BATF3: variants seen among roughly 807,000 people sequenced by gnomAD.
BATF3 encodes the protein basic leucine zipper ATF-like transcription factor 3.
Under a neutral mutation model 16.1 loss-of-function variants are expected in BATF3, and 8 were observed. That is an observed-to-expected ratio of 0.50 (90% CI 0.29 to 0.90). The LOEUF is 0.90. Ranked by LOEUF, BATF3 falls within the 40% of genes least tolerant of loss-of-function variation. The probability of loss-of-function intolerance (pLI) is 0.08; values close to 1 mark genes in which losing one functional copy is unlikely to be tolerated. For synonymous variants in BATF3, 74 were observed against 72.7 expected (o/e 1.02, Z -0.09); for missense variants, 139 against 167.0 (o/e 0.83, Z 0.92).
At chr1:212,688,684 A>T (rs1458428254) in intron 2 of BATF3, among the ~76,000 whole-genome samples, 1 of 152,244 alleles carries the variant, frequency 6.6e-6, no homozygotes, top group Admixed American at 6.5e-5. Context: ...CCAAGTCATT[A>T]ATAAGTTCTA....
rs1380917167 is a variant in BATF3 at position 212,686,600 on chromosome 1, C to T, written c.*191G>A. 1.1e-6 allele frequency: 1 copy of T among 912,740 alleles called. No individual in the cohort carries two copies. Among genetic ancestry groups the T allele is most frequent in the Non-Finnish European group, 1.6e-6 (1 of 627,302 alleles). The allele number at this position is 912,740 out of a possible 1,614,324, so 56.5% of individuals were successfully genotyped here. The stretch of plus-strand genomic sequence containing the variant: ...CCTCCATGCTGGATCTGCACAAGGG[C>T]TCTGTGAGTTTGGCGCCTGTTGGAT... On this transcript the variant is annotated 3_prime_UTR_variant, in exon 3 of 3. Coordinates refer to ENST00000243440, the MANE Select transcript of BATF3 (RefSeq NM_018664.3).
Position 212,689,476 on chromosome 1 carries a change from C to T in BATF3, c.196-2497G>A, listed in dbSNP as rs1571832772. Among the ~76,000 whole-genome samples, 1 of 152,328 alleles carries T rather than the reference C, an allele frequency of 6.6e-6. No homozygotes were observed. The highest frequency in any genetic ancestry group is 6.5e-5 in the Admixed American group (1 of 15,306). ...CACCAGTACACTGGCCCCATTCTGC[C>T]TCTATCCTCCTCCCTGCCTCCCACT... On this transcript the variant is annotated intron_variant, in intron 2 of 2. Transcript: ENST00000243440. This position sits in a 1 kb window ranked among gnomAD's most constrained non-coding sequence, Gnocchi z 4.6.
intron 2 of BATF3, among the ~76,000 whole-genome samples, chr1:212,691,881 T>G (rs1208980158): frequency 6.6e-6 from 1 of 152,232 alleles, no homozygotes; most frequent in Non-Finnish European, 1.5e-5. Flanking sequence ...GTGTGGACTT[T>G]GGCACACGCC....
chr1:212,699,262 C>CG lies in BATF3; in HGVS notation c.90+410_90+411insC, dbSNP rs1395165654. Among the ~76,000 whole-genome samples the CG allele has an allele frequency of 6.6e-6, 1 of 152,168 alleles. No individual in the cohort carries two copies. Among genetic ancestry groups the CG allele is most frequent in the Non-Finnish European group, 1.5e-5 (1 of 68,008 alleles). ...TCTCCATTCCCGCGGCAGCACCCCC[C>CG]CCACCCGGGGGAATCCTGGAGGGGC... On this transcript the variant is annotated intron_variant, in intron 1 of 2. Coordinates refer to ENST00000243440, the MANE Select transcript of BATF3 (RefSeq NM_018664.3). The surrounding 1 kb of genome is among the most constrained non-coding windows in gnomAD (Gnocchi z 4.4).
chr1:212,694,085 G>C (rs1360909927), intron 2 of BATF3, among the ~76,000 whole-genome samples: 1 of 152,198 alleles, frequency 6.6e-6, no homozygotes, highest in Non-Finnish European at 1.5e-5. Context: ...AACAGCACCA[G>C]AGTAACGCAG....
intron 2 of BATF3, among the ~76,000 whole-genome samples, chr1:212,688,496 G>T (rs1488591257): frequency 6.6e-6 from 1 of 152,208 alleles, no homozygotes; most frequent in East Asian, 1.9e-4. Context: ...ATGCTATGGG[G>T]CTTAAGGGTA....
Position 212,686,842 on chromosome 1 carries a change from A to G in BATF3, c.333T>C (p.Phe111=). Residue 111 remains phenylalanine (F), a synonymous_variant, in exon 3 of 3, where the codon TTT becomes TTC. Transcript: ENST00000243440. The part of the protein sequence containing the change: ...MCPLLLCPMN[F]VPVPPRPDPV... The stretch of plus-strand genomic sequence containing the variant: ...GGTCCGGCCGGGGAGGCACTGGCAC[A>G]AAGTTCATAGGGCAGAGCAGCAGCG... 1 of 1,614,086 alleles carries G rather than the reference A, an allele frequency of 6.2e-7. No individual in the cohort carries two copies. The highest frequency in any genetic ancestry group is 8.5e-7 in the Non-Finnish European group (1 of 1,179,972).
At chr1:212,695,527 A>G (rs1657106795) in intron 2 of BATF3, among the ~76,000 whole-genome samples, 1 of 150,838 alleles carries the variant, frequency 6.6e-6, no homozygotes, top group Non-Finnish European at 1.5e-5. Flanking sequence ...ACCTACAAAA[A>G]TAAGGGCTGA....
At chr1:212,694,114 G>A (rs150486260) in intron 2 of BATF3, among the ~76,000 whole-genome samples, 286 of 152,226 alleles carry the variant, frequency 1.9e-3, no homozygotes, top group African/African-American at 6.6e-3. Context: ...AAACGCAACC[G>A]GCCATTGCTG....
chr1:212,699,594 T>C lies in BATF3; in HGVS notation c.90+79A>G. 8.5e-7 allele frequency: 1 copy of C among 1,172,456 alleles called. No homozygotes were observed. The highest frequency in any genetic ancestry group is 1.1e-6 in the Non-Finnish European group (1 of 927,072). The allele number at this position is 1,172,456 out of a possible 1,614,324, so 72.6% of individuals were successfully genotyped here. A position where few individuals can be genotyped will look rare whatever the true frequency, so the allele number is the denominator to read the frequency against. On this transcript the variant is annotated intron_variant, in intron 1 of 2. Coordinates refer to ENST00000243440, the MANE Select transcript of BATF3 (RefSeq NM_018664.3). This position sits in a 1 kb window ranked among gnomAD's most constrained non-coding sequence, Gnocchi z 4.4. ...ACCTCCGCAGTCACCACCACGGAAC[T>C]CCAGCACCCACCTCCTCGCCCCCCG...
chr1:212,695,003 C>T lies in BATF3; in HGVS notation c.195+1958G>A, dbSNP rs575477539. 3.9e-5 allele frequency among the ~76,000 whole-genome samples: 6 copies of T among 152,346 alleles called. No individual in the cohort carries two copies. The South Asian group carries it at 1.2e-3, about 32-fold the overall frequency. On this transcript the variant is annotated intron_variant, in intron 2 of 2. Transcript: ENST00000243440. ...AGAGTTTTAAGATTGCCCTTTTCCT[C>T]TCCTCTCCCCAACACACCTCAGAGT...
Position 212,699,631 on chromosome 1 carries a change from TC to T in BATF3, c.90+41del, listed in dbSNP as rs1297187105. 6 of 1,250,914 alleles carry T rather than the reference TC, an allele frequency of 4.8e-6. No individual in the cohort carries two copies. The highest frequency in any genetic ancestry group is 3.2e-5 in the East Asian group (1 of 31,374). The allele number at this position is 1,250,914 out of a possible 1,614,324, so 77.5% of individuals were successfully genotyped here. On this transcript the variant is annotated intron_variant, in intron 1 of 2. Transcript: ENST00000243440. The surrounding 1 kb of genome is among the most constrained non-coding windows in gnomAD (Gnocchi z 4.4). The stretch of plus-strand genomic sequence containing the variant: ...CTCCTCGCCCCCCGCGGCGCGCCGG[TC>T]CCCGCACCCCACGGCCCTCCCTGAG...
In BATF3 at chr1:212,686,881, G is replaced by A. The variant is rs1270917503; in HGVS notation, c.294C>T (p.His98=). The part of the protein sequence containing the change: ...LKHLTEALKE[H]EKMCPLLLCP... ...AGAGCAGCAGCGGGCACATCTTCTCGTGCTCCTTCAGTGCCTCTGTCAGGT... is the reference window on the plus strand; with the variant it reads ...AGAGCAGCAGCGGGCACATCTTCTCATGCTCCTTCAGTGCCTCTGTCAGGT... The change falls in exon 3 of 3, where the codon CAC becomes CAT. Residue 98 remains histidine (H), a synonymous_variant. Coordinates refer to ENST00000243440, the MANE Select transcript of BATF3 (RefSeq NM_018664.3). 5.6e-6 allele frequency: 9 copies of A among 1,614,192 alleles called. No individual in the cohort carries two copies. In the Admixed American group the frequency reaches 6.7e-5, roughly 12 times the overall value.
intron 2 of BATF3, among the ~76,000 whole-genome samples, chr1:212,690,152 G>C (rs1378336431): frequency 2.6e-5 from 4 of 152,210 alleles, no homozygotes; most frequent in African/African-American, 9.6e-5. Context: ...CATTTGAATA[G>C]TTCCAATGTG....
At chr1:212,691,312 G>A (rs1656995141) in intron 2 of BATF3, among the ~76,000 whole-genome samples, 1 of 152,178 alleles carries the variant, frequency 6.6e-6, no homozygotes, top group South Asian at 2.1e-4. Flanking sequence ...GAAAACTGAA[G>A]CTCTGAGAGG....
intron 1 of BATF3, chr1:212,698,783 A>C (rs1019961409): frequency 6.6e-6 from 1 of 152,282 alleles, no homozygotes; most frequent in Non-Finnish European, 1.5e-5. Context: ...AGCGAAAGTT[A>C]GAGATAGTAT....
Position 212,699,606 on chromosome 1 carries a change from C to A in BATF3, c.90+67G>T, listed in dbSNP as rs1657220237. On this transcript the variant is annotated intron_variant, in intron 1 of 2. Coordinates refer to ENST00000243440, the MANE Select transcript of BATF3 (RefSeq NM_018664.3). This position sits in a 1 kb window ranked among gnomAD's most constrained non-coding sequence, Gnocchi z 4.4. Reference sequence around the variant, plus strand: ...ACCACCACGGAACTCCAGCACCCACCTCCTCGCCCCCCGCGGCGCGCCGGT... The same window carrying A: ...ACCACCACGGAACTCCAGCACCCACATCCTCGCCCCCCGCGGCGCGCCGGT... The A allele has an allele frequency of 2.5e-6, 3 of 1,217,782 alleles. No homozygotes were observed. In the South Asian group the frequency reaches 9.4e-5, roughly 38 times the overall value. The allele number at this position is 1,217,782 out of a possible 1,614,324, so 75.4% of individuals were successfully genotyped here.
At chr1:212,693,457 A>G (rs543984597) in intron 2 of BATF3, among the ~76,000 whole-genome samples, 4 of 152,194 alleles carry the variant, frequency 2.6e-5, no homozygotes, top group Non-Finnish European at 5.9e-5. Flanking sequence ...TTCTCAATAA[A>G]GCTGGTCTTG....
chr1:212,697,021 G>T lies in BATF3; in HGVS notation c.135C>A (p.Asn45Lys). 6.2e-7 allele frequency: 1 copy of T among 1,614,134 alleles called. No individual in the cohort carries two copies. The highest frequency in any genetic ancestry group is 8.5e-7 in the Non-Finnish European group (1 of 1,180,026). ...DDRKVRRREK[N>K]RVAAQRSRKK... ...TCCGACTTCTCTGAGCAGCAACTCG[G>T]TTTTTTTCTCTCCTTCGGACCTTCC... The change falls in exon 2 of 3, where the codon AAC becomes AAA. Residue 45 changes from asparagine to lysine, a missense_variant. Transcript: ENST00000243440.
Sources: gnomAD v4.1 joint callset for allele counts (sites outside exome capture counted in the v4.1 genomes callset) on GRCh38, gnomAD v4.1.1 for gene constraint, Gnocchi (gnomAD v3.1) non-coding constraint, MANE v1.5 for transcripts, NCBI Gene and HGNC (gene_info 2026-07-23, HGNC 2026-07-21) for gene names.